Variants in ABCC4 observed in about 807,000 individuals in gnomAD.
ABCC4 encodes ATP-binding cassette sub-family C member 4.
In ABCC4, 102 loss-of-function variants were observed where a neutral mutation model predicts 168.5. The observed-to-expected ratio is 0.61, with a 90% CI of 0.52 to 0.71. ABCC4 has a LOEUF of 0.71. Ranked by LOEUF, ABCC4 falls within the 30% of genes least tolerant of loss-of-function variation. The pLI is 0.00. For synonymous variants in ABCC4, 617 were observed against 590.7 expected (o/e 1.04, Z -0.65); for missense variants, 1,402 against 1,605.8 (o/e 0.87, Z 2.17).
intron 19 of ABCC4, among the ~76,000 whole-genome samples, chr13:95,124,562 TAAAAAAAAAAAA>T (rs55651091): frequency 0.012 from 1,476 of 121,946 alleles, 31 homozygotes; most frequent in Middle Eastern, 0.039. Flanking sequence ...CCCCCTTTCT[TAAAAAAAAAAAA>T]AAAAAAAAAA....
intron 29 of ABCC4, among the ~76,000 whole-genome samples, chr13:95,038,946 G>A (rs2032243436): frequency 6.6e-6 from 1 of 152,262 alleles, no homozygotes; most frequent in Middle Eastern, 3.4e-3. Flanking sequence ...ATAGACAAGA[G>A]AGAGAAAAAG....
chr13:95,226,842 T>C (rs1459495846), intron 4 of ABCC4, among the ~76,000 whole-genome samples: 1 of 152,214 alleles, frequency 6.6e-6, no homozygotes, highest in South Asian at 2.1e-4. Flanking sequence ...CCGAAGGAGT[T>C]ATTCACCAAT....
rs143997321 is a variant in ABCC4, at chr13:95,151,545, AAGGAGG to A, written c.2455+9638_2455+9643del. On this transcript the variant is annotated intron_variant, in intron 19 of 30. Transcript: ENST00000645237. ...GAAGAAGGAAGAAGAATGAAGAAGG[AAGGAGG>A]AGGAGGAGGAGAAGGAGAAGAAGGA... Among the ~76,000 whole-genome samples the A allele has an allele frequency of 7.8e-5, 11 of 141,654 alleles. No individual in the cohort carries two copies. In the East Asian group the frequency reaches 8.2e-4, roughly 11 times the overall value. The allele number at this position is 141,654 out of a possible 152,430, so 92.9% of individuals were successfully genotyped here.
rs966511258 is a variant in ABCC4, at chr13:95,053,330, C to T, written c.3367-146G>A. ...TTACAAATGCCTGTTTACAAAACAACATATCTATTAATGTTCCACTGTACA... is the reference window on the plus strand; with the variant it reads ...TTACAAATGCCTGTTTACAAAACAATATATCTATTAATGTTCCACTGTACA... On this transcript the variant is annotated intron_variant, in intron 26 of 30. Coordinates refer to ENST00000645237, the MANE Select transcript of ABCC4 (RefSeq NM_005845.5). 1.4e-5 allele frequency: 10 copies of T among 697,524 alleles called. No homozygotes were observed. In the East Asian group the frequency reaches 1.9e-4, roughly 13 times the overall value. The allele number at this position is 697,524 out of a possible 1,614,324, so 43.2% of individuals were successfully genotyped here. A position where few individuals can be genotyped will look rare whatever the true frequency, so the allele number is the denominator to read the frequency against.
rs781248775 is a variant in ABCC4, at chr13:95,234,589, T to A, written c.531+21A>T. 7.4e-5 allele frequency: 118 copies of A among 1,597,060 alleles called. No homozygotes were observed. In the South Asian group the frequency reaches 1.3e-3, roughly 17 times the overall value. On this transcript the variant is annotated intron_variant, in intron 4 of 30. Transcript: ENST00000645237. Reference sequence around the variant, plus strand: ...CTGATGCTTCAGGTGAGGTACATGTTTAATGCTGAATGTCACTTACCTTCC... The same window carrying A: ...CTGATGCTTCAGGTGAGGTACATGTATAATGCTGAATGTCACTTACCTTCC...
In ABCC4 at chr13:95,186,601, G is replaced by T. The variant is rs530950158; in HGVS notation, c.1545+100C>A. 4.6e-6 allele frequency: 5 copies of T among 1,078,678 alleles called. No individual in the cohort carries two copies. The Admixed American group carries it at 1.3e-4, about 29-fold the overall frequency. The allele number at this position is 1,078,678 out of a possible 1,614,324, so 66.8% of individuals were successfully genotyped here. A position where few individuals can be genotyped will look rare whatever the true frequency, so the allele number is the denominator to read the frequency against. On this transcript the variant is annotated intron_variant, in intron 11 of 30. Coordinates refer to ENST00000645237, the MANE Select transcript of ABCC4 (RefSeq NM_005845.5). ...TTAAAGTATTAAATAACATTCAAAG[G>T]TCTTTAAAAATTAAAAAAAAGTTAA...
chr13:95,250,125 G>A (rs2040216375), intron 1 of ABCC4, among the ~76,000 whole-genome samples: 1 of 152,156 alleles, frequency 6.6e-6, no homozygotes, highest in South Asian at 2.1e-4. Context: ...AATTATCTTT[G>A]ACCATCTATG....
intron 1 of ABCC4, among the ~76,000 whole-genome samples, chr13:95,255,994 T>C (rs1038599540): frequency 1.3e-5 from 2 of 152,216 alleles, no homozygotes; most frequent in Non-Finnish European, 1.5e-5. Context: ...TCTACAGCCA[T>C]TGTGCATGAT....
chr13:95,199,265 T>C (rs1291196080), intron 8 of ABCC4, among the ~76,000 whole-genome samples: 1 of 152,242 alleles, frequency 6.6e-6, no homozygotes, highest in East Asian at 1.9e-4. Flanking sequence ...GCAGAACTAT[T>C]CCTCCTCTCC....
chr13:95,025,314 A>T (rs1355989327), intron 30 of ABCC4, among the ~76,000 whole-genome samples: 1 of 13,594 alleles, frequency 7.4e-5, no homozygotes, highest in Admixed American at 1.2e-3. Flanking sequence ...CCCACCCCCC[A>T]CACACACCCA....
At chr13:95,124,013 T>C (rs909973255) in intron 19 of ABCC4, among the ~76,000 whole-genome samples, 1 of 152,124 alleles carries the variant, frequency 6.6e-6, no homozygotes, top group Non-Finnish European at 1.5e-5. Context: ...GACAAATATT[T>C]GCCTAGTTGA....
intron 19 of ABCC4, among the ~76,000 whole-genome samples, chr13:95,143,598 A>G (rs1366571665): frequency 6.6e-6 from 1 of 152,214 alleles, no homozygotes; most frequent in Non-Finnish European, 1.5e-5. Context: ...AAAAATGTTC[A>G]TACCAAAGAC....
At chr13:95,040,992 C>T (rs34672607) in intron 29 of ABCC4, among the ~76,000 whole-genome samples, 12,280 of 152,146 alleles carry the variant, frequency 0.081, 652 homozygotes, top group Admixed American at 0.14. Context: ...GTTGTAAGGA[C>T]GGGTGTGCAG....
chr13:95,196,342 C>T (rs900238030), intron 8 of ABCC4, among the ~76,000 whole-genome samples: 1 of 152,240 alleles, frequency 6.6e-6, no homozygotes, highest in South Asian at 2.1e-4. Flanking sequence ...AGCCACATGA[C>T]TTTAAGTTCA....
At chr13:95,143,576 G>A (rs1301202940) in intron 19 of ABCC4, among the ~76,000 whole-genome samples, 2 of 152,094 alleles carry the variant, frequency 1.3e-5, no homozygotes, top group Admixed American at 6.5e-5. Context: ...ACTTTGGAGA[G>A]CTAAAAAAGG....
intron 4 of ABCC4, among the ~76,000 whole-genome samples, chr13:95,213,113 C>A (rs2039009449): frequency 8.1e-6 from 1 of 123,244 alleles, no homozygotes; most frequent in South Asian, 2.8e-4. Context: ...GGCGACTGAG[C>A]AAGATTCCAT....
intron 20 of ABCC4, among the ~76,000 whole-genome samples, chr13:95,098,171 T>C (rs1234014942): frequency 6.7e-6 from 1 of 150,238 alleles, no homozygotes; most frequent in Non-Finnish European, 1.5e-5. Flanking sequence ...ATAAATATTC[T>C]GAACTGTAGA....
chr13:95,084,488 CAT>C (rs1460288938), intron 20 of ABCC4, among the ~76,000 whole-genome samples: 10 of 152,116 alleles, frequency 6.6e-5, no homozygotes, highest in Non-Finnish European at 5.9e-5. Flanking sequence ...TTAAATTTTA[CAT>C]GTTTTAAAAG....
intron 21 of ABCC4, chr13:95,075,821 T>C: frequency 3.0e-6 from 1 of 337,962 alleles, no homozygotes; most frequent in East Asian, 5.2e-5. Flanking sequence ...AATTCTTTCC[T>C]TCCTAACTCA....
Sources: gnomAD v4.1 joint callset for allele counts (sites outside exome capture counted in the v4.1 genomes callset) on GRCh38, gnomAD v4.1.1 for gene constraint, MANE v1.5 for transcripts, NCBI Gene and HGNC (gene_info 2026-07-23, HGNC 2026-07-21) for gene names.